The following NEDD4L variants were observed in gnomAD, a reference collection of about 807,000 sequenced individuals.
The protein encoded by NEDD4L is NEDD4 like E3 ubiquitin protein ligase, also known as E3 ubiquitin-protein ligase NEDD4-like.
In NEDD4L, 54 loss-of-function variants were observed where a neutral mutation model predicts 148.9. The observed-to-expected ratio is 0.36, with a 90% confidence interval of 0.29 to 0.45. NEDD4L has a LOEUF of 0.45. Ranked by LOEUF, NEDD4L falls within the 20% of genes least tolerant of loss-of-function variation. NEDD4L has a pLI of 1.00. For missense variants in NEDD4L, 856 were observed against 1,233.8 expected, an observed-to-expected ratio of 0.69 and a Z score of 4.59; for synonymous variants, 433 against 440.7, an observed-to-expected ratio of 0.98 and a Z score of 0.22.
At chr18:58,279,393 C>G (rs2052654555) in intron 5 of NEDD4L, among the ~76,000 whole-genome samples, 1 of 152,172 alleles carries the variant, frequency 6.6e-6, no homozygotes, top group Non-Finnish European at 1.5e-5. Flanking sequence ...TGCTGAAAGG[C>G]TGCACAGGAT....
chr18:58,355,841 AAATAAT>A (rs945257422), intron 18 of NEDD4L, among the ~76,000 whole-genome samples: 1 of 151,760 alleles, frequency 6.6e-6, no homozygotes, highest in African/African-American at 2.4e-5. Context: ...GCTTCTATTA[AAATAAT>A]AATAAGACTT....
At chr18:58,060,389 C>G (rs975575157) in intron 1 of NEDD4L, among the ~76,000 whole-genome samples, 2 of 152,148 alleles carry the variant, frequency 1.3e-5, no homozygotes, top group African/African-American at 4.8e-5. Flanking sequence ...GCTGGGATTA[C>G]AGGTGCAAGT....
At chr18:58,307,841 GTCTGTCAT>G (rs146340538) in intron 5 of NEDD4L, among the ~76,000 whole-genome samples, 3,280 of 152,290 alleles carry the variant, frequency 0.022, 67 homozygotes, top group South Asian at 0.052. Flanking sequence ...TACCAAGAGT[GTCTGTCAT>G]TCAATATTTC....
At chr18:58,122,356 C>A (rs377358660) in intron 1 of NEDD4L, among the ~76,000 whole-genome samples, 71 of 152,196 alleles carry the variant, frequency 4.7e-4, no homozygotes, top group African/African-American at 1.6e-3. Context: ...AAAAATTAGC[C>A]GGGTGTGGTG....
intron 27 of NEDD4L, 169 bp from the exon 28 acceptor site, chr18:58,388,916 A>G (rs181427830): frequency 1.9e-5 from 12 of 639,834 alleles, no homozygotes; most frequent in Admixed American, 8.7e-5. Flanking sequence ...GTGATCTGCT[A>G]TGGCAGGTGG....
intron 5 of NEDD4L, among the ~76,000 whole-genome samples, chr18:58,298,692 CTGT>C: frequency 6.6e-6 from 1 of 152,300 alleles, no homozygotes; most frequent in East Asian, 1.9e-4. Context: ...TAAGTAATCA[CTGT>C]TCCCTCTGGT....
intron 1 of NEDD4L, among the ~76,000 whole-genome samples, chr18:58,159,293 A>G (rs926241900): frequency 2.0e-5 from 3 of 152,072 alleles, no homozygotes; most frequent in African/African-American, 7.2e-5. Context: ...GACAGTGGAA[A>G]TGCTCTGTAT....
intron 23 of NEDD4L, chr18:58,372,210 A>C (rs993826427): frequency 4.6e-5 from 7 of 152,104 alleles, no homozygotes; most frequent in Non-Finnish European, 1.0e-4. Flanking sequence ...ATCCCCTGGC[A>C]CAAGTGATCC....
chr18:58,314,626 C>G (rs1000637841), intron 5 of NEDD4L: 1 of 152,122 alleles, frequency 6.6e-6, no homozygotes, highest in Non-Finnish European at 1.5e-5. Context: ...CTCCTCTTAC[C>G]GCTCTATGCT....
At chr18:58,190,342 C>G (rs528609884) in intron 2 of NEDD4L, among the ~76,000 whole-genome samples, 1 of 151,946 alleles carries the variant, frequency 6.6e-6, no homozygotes, top group South Asian at 2.1e-4. Context: ...GTTGAAGCAC[C>G]CTAAATTAGC....
At chr18:58,350,160 C>G (rs972128100) in intron 17 of NEDD4L, among the ~76,000 whole-genome samples, 3 of 152,156 alleles carry the variant, frequency 2.0e-5, no homozygotes, top group African/African-American at 7.2e-5. Flanking sequence ...ACAACTCACT[C>G]TCAGTTTGAA....
chr18:58,081,870 C>A (rs76718940), intron 1 of NEDD4L, among the ~76,000 whole-genome samples: 3,392 of 151,838 alleles, frequency 0.022, 113 homozygotes, highest in African/African-American at 0.077. Flanking sequence ...ATTGAAATTG[C>A]CTATTTACCT....
chr18:58,105,251 A>G (rs115571056), intron 1 of NEDD4L, among the ~76,000 whole-genome samples: 2,254 of 152,346 alleles, frequency 0.015, 47 homozygotes, highest in African/African-American at 0.052. Context: ...CCAGAAACGC[A>G]TAATGGGCTG....
chr18:58,158,103 T>C (rs1166966860), intron 1 of NEDD4L, among the ~76,000 whole-genome samples: 1 of 152,232 alleles, frequency 6.6e-6, no homozygotes, highest in Non-Finnish European at 1.5e-5. Context: ...CCAAGGCTGC[T>C]GTCATCTGAA....
At chr18:58,200,202 A>C (rs2041230911) in intron 2 of NEDD4L, among the ~76,000 whole-genome samples, 1 of 152,258 alleles carries the variant, frequency 6.6e-6, no homozygotes, top group South Asian at 2.1e-4. Context: ...AACCATTTCA[A>C]ACCATATTAT....
At chr18:58,143,538 T>C (rs1446413556) in intron 1 of NEDD4L, among the ~76,000 whole-genome samples, 1 of 152,190 alleles carries the variant, frequency 6.6e-6, no homozygotes, top group Non-Finnish European at 1.5e-5. Flanking sequence ...GCAAACCCAG[T>C]GCCAGTAATG....
At chr18:58,104,391 C>T (rs550092477) in intron 1 of NEDD4L, among the ~76,000 whole-genome samples, 4 of 152,008 alleles carry the variant, frequency 2.6e-5, no homozygotes, top group African/African-American at 7.2e-5. Context: ...CCTTCTGGGG[C>T]GACAGAAAAT....
chr18:58,222,159 C>G (rs993481611), intron 2 of NEDD4L, among the ~76,000 whole-genome samples: 2 of 152,130 alleles, frequency 1.3e-5, no homozygotes, highest in Admixed American at 6.5e-5. Flanking sequence ...TTTTAGAAAT[C>G]ACAGGTTGAG....
At chr18:58,116,382 T>C (rs1328142135) in intron 1 of NEDD4L, among the ~76,000 whole-genome samples, 2 of 152,218 alleles carry the variant, frequency 1.3e-5, no homozygotes, top group Non-Finnish European at 2.9e-5. Flanking sequence ...CTTCTCATAA[T>C]GTGGTTTTGG....
Sources: gnomAD v4.1 joint callset for allele counts (sites outside exome capture counted in the v4.1 genomes callset) on GRCh38, gnomAD v4.1.1 for gene constraint, MANE v1.5 for transcripts, NCBI Gene and HGNC (gene_info 2026-07-23, HGNC 2026-07-21) for gene names.